Variants in RGS7 observed in about 807,000 individuals in gnomAD.
RGS7 encodes the protein regulator of G protein signaling 7.
In RGS7, 27 loss-of-function variants were observed where a neutral mutation model predicts 81.1. That is an observed-to-expected ratio of 0.33 (90% CI 0.25 to 0.46). The LOEUF is 0.46. RGS7 is among the 20% of genes least tolerant of loss of function. RGS7 has a pLI of 1.00. For missense variants in RGS7, 396 were observed against 607.4 expected (o/e 0.65, Z 3.66); for synonymous variants, 208 against 207.7 (o/e 1.00, Z -0.01).
At chr1:240,803,819 T>C (rs1389961722) in intron 15 of RGS7, among the ~76,000 whole-genome samples, 3 of 151,624 alleles carry the variant, frequency 2.0e-5, no homozygotes, top group African/African-American at 7.3e-5. Context: ...CTTGGAACTA[T>C]TGGAGAGCAT....
chr1:241,211,570 T>C (rs1220548201), intron 2 of RGS7, among the ~76,000 whole-genome samples: 5 of 152,188 alleles, frequency 3.3e-5, no homozygotes, highest in Non-Finnish European at 5.9e-5. Context: ...CAGTTGGTAC[T>C]CATAAAGGTT....
intron 3 of RGS7, among the ~76,000 whole-genome samples, chr1:241,088,154 G>C (rs1407496704): frequency 1.3e-5 from 2 of 151,410 alleles, no homozygotes; most frequent in African/African-American, 4.9e-5. Context: ...AGGAGGGAAA[G>C]CATTTTAGAT....
At chr1:241,353,808 G>A (rs545556065) in intron 2 of RGS7, among the ~76,000 whole-genome samples, 1 of 152,054 alleles carries the variant, frequency 6.6e-6, no homozygotes, top group Non-Finnish European at 1.5e-5. Context: ...AATTAATGGC[G>A]ATTCGATGCT....
At chr1:241,303,535 A>G (rs1449547954) in intron 2 of RGS7, among the ~76,000 whole-genome samples, 1 of 152,242 alleles carries the variant, frequency 6.6e-6, no homozygotes, top group African/African-American at 2.4e-5. Flanking sequence ...TAGAAGATTA[A>G]CAATGCTTAC....
At chr1:240,987,152 T>C (rs890148293) in intron 3 of RGS7, among the ~76,000 whole-genome samples, 5 of 152,192 alleles carry the variant, frequency 3.3e-5, no homozygotes, top group Non-Finnish European at 7.3e-5. Flanking sequence ...TGCACAAAAA[T>C]ATTAAGCATT....
chr1:241,191,013 T>C (rs1393960241), intron 2 of RGS7, among the ~76,000 whole-genome samples: 1 of 152,046 alleles, frequency 6.6e-6, no homozygotes, highest in Non-Finnish European at 1.5e-5. Context: ...GACGGAGTCT[T>C]GCTCTGTCGC....
intron 4 of RGS7, among the ~76,000 whole-genome samples, chr1:240,955,765 T>C (rs924518952): frequency 1.3e-5 from 2 of 152,134 alleles, no homozygotes; most frequent in East Asian, 1.9e-4. Flanking sequence ...AGAAAAAGAA[T>C]AGTGTTTTTC....
At chr1:241,200,588 T>C (rs1370589054) in intron 2 of RGS7, among the ~76,000 whole-genome samples, 1 of 152,164 alleles carries the variant, frequency 6.6e-6, no homozygotes, top group Non-Finnish European at 1.5e-5. Flanking sequence ...ATGTGGAAAC[T>C]AAGAGCAACA....
At chr1:240,812,391 G>A (rs886503824) in intron 13 of RGS7, among the ~76,000 whole-genome samples, 3 of 151,748 alleles carry the variant, frequency 2.0e-5, no homozygotes, top group Admixed American at 1.3e-4. Flanking sequence ...AAGTAATAAG[G>A]GGTAAAGATC....
intron 18 of RGS7, among the ~76,000 whole-genome samples, chr1:240,783,929 A>ACTT (rs1034513004): frequency 1.3e-5 from 2 of 150,632 alleles, no homozygotes. Context: ...TAATCTCAGC[A>ACTT]CTTTGGGAGG....
At chr1:241,346,739 A>G (rs909420513) in intron 2 of RGS7, among the ~76,000 whole-genome samples, 2 of 152,190 alleles carry the variant, frequency 1.3e-5, no homozygotes, top group Non-Finnish European at 2.9e-5. Flanking sequence ...AATATGGAAG[A>G]TTATTTTAAA....
chr1:241,180,087 A>C (rs1445929019), intron 2 of RGS7, among the ~76,000 whole-genome samples: 2 of 152,058 alleles, frequency 1.3e-5, no homozygotes, highest in African/African-American at 4.8e-5. Flanking sequence ...ATAAACACAG[A>C]AAGTGGGCCG....
intron 3 of RGS7, among the ~76,000 whole-genome samples, chr1:241,024,934 T>C (rs950904094): frequency 1.3e-5 from 2 of 152,236 alleles, no homozygotes; most frequent in African/African-American, 4.8e-5. Flanking sequence ...ATTTTAATTT[T>C]TGATAAATTC....
intron 2 of RGS7, among the ~76,000 whole-genome samples, chr1:241,250,325 T>C (rs1398749001): frequency 1.3e-5 from 2 of 152,154 alleles, no homozygotes; most frequent in African/African-American, 4.8e-5. Flanking sequence ...CTTACACTAG[T>C]GAAACAGGGC....
intron 2 of RGS7, among the ~76,000 whole-genome samples, chr1:241,282,026 G>A (rs1014228024): frequency 3.7e-4 from 57 of 152,184 alleles, no homozygotes; most frequent in Admixed American, 8.5e-4. Context: ...AGGAGTACAT[G>A]TGCAAGTCTG....
At chr1:240,944,280 G>A (rs867754179) in intron 4 of RGS7, among the ~76,000 whole-genome samples, 832 of 20,326 alleles carry the variant, frequency 0.041, 3 homozygotes, top group African/African-American at 0.049. Context: ...GTGTGTGTGT[G>A]TGTATATATA....
chr1:240,945,579 A>G (rs1678466796), intron 4 of RGS7, among the ~76,000 whole-genome samples: 1 of 152,250 alleles, frequency 6.6e-6, no homozygotes, highest in Admixed American at 6.5e-5. Flanking sequence ...AAAAATCACT[A>G]TTCCTTAATA....
At chr1:240,814,882 C>T (rs961672633) in intron 11 of RGS7, 105 bp from the exon 12 acceptor site, 14 of 754,206 alleles carry the variant, frequency 1.9e-5, no homozygotes, top group Middle Eastern at 2.4e-4. Context: ...GTATAGTCTA[C>T]GTCAGTACAA....
rs2080318363 is a variant in RGS7, at chr1:241,308,660, T to C, written c.78+47039A>G. ...GCTCTTAATCTAGTAGATTTTACCA[T>C]GAGTCTGGCTGCTTTTTCCAGCACG... is the stretch of plus-strand genomic sequence containing the variant. On this transcript the variant is annotated intron_variant, in intron 2 of 18. Transcript: ENST00000440928. Among the ~76,000 whole-genome samples the C allele has an allele frequency of 2.0e-5, 3 of 152,184 alleles. No individual in the cohort carries two copies. The South Asian group carries it at 6.2e-4, about 32-fold the overall frequency.
Sources: allele counts gnomAD v4.1 joint callset (sites outside exome capture counted in the v4.1 genomes callset), GRCh38; gene constraint gnomAD v4.1.1; transcripts MANE v1.5; gene names NCBI Gene and HGNC (gene_info 2026-07-23, HGNC 2026-07-21).